Variants in NRG4 observed in about 807,000 individuals in gnomAD.
NRG4 encodes the protein pro-neuregulin-4, membrane-bound isoform.
A neutral mutation model predicts 15.0 loss-of-function variants in NRG4; 10 were observed. That is an observed-to-expected ratio of 0.67 (90% confidence interval 0.41 to 1.13). The LOEUF (loss-of-function observed/expected upper bound fraction) is 1.13. NRG4 is among the 50% of genes most tolerant of loss of function. The pLI, the probability that NRG4 is intolerant of heterozygous loss-of-function variation, is 0.00. For synonymous variants in NRG4, 41 were observed against 50.1 expected, an observed-to-expected ratio of 0.82 and a Z score of 0.77; for missense variants, 139 against 140.2, an observed-to-expected ratio of 0.99 and a Z score of 0.04.
At chr15:75,969,333 G>A in intron 3 of NRG4, 1 of 389,438 alleles carries the variant, frequency 2.6e-6, no homozygotes, top group Admixed American at 2.7e-5. Flanking sequence ...TGGAGTATTT[G>A]CCAGCTGCCT....
At chr15:76,049,407 T>C (rs748679519) in intron 4 of NRG4, among the ~76,000 whole-genome samples, 1 of 150,820 alleles carries the variant, frequency 6.6e-6, no homozygotes, top group Non-Finnish European at 1.5e-5. Context: ...AGCCTCTTTT[T>C]CCTTTTACCT....
At chr15:75,987,457 G>A (rs1453316170) in intron 3 of NRG4, among the ~76,000 whole-genome samples, 1 of 152,118 alleles carries the variant, frequency 6.6e-6, no homozygotes, top group Non-Finnish European at 1.5e-5. Flanking sequence ...CCTCCAATGT[G>A]ATGGTATTAT....
At chr15:75,946,590 A>G (rs915393929) in intron 5 of NRG4, among the ~76,000 whole-genome samples, 39 of 151,858 alleles carry the variant, frequency 2.6e-4, no homozygotes, top group Non-Finnish European at 3.4e-4. Flanking sequence ...CGATCTCCTG[A>G]CCTCGTGATC....
rs778316625 is a variant in NRG4, at chr15:75,961,873, G to T, written c.206C>A (p.Ala69Glu). ...TCCAATGATAAGTGTTACTAGGACC[G>T]CCAATGCCACAAAAGCTTCAAACAG... ...SNLFEAFVAL[A>E]VLVTLIIGAF... The change falls in exon 4 of 6, where the codon GCG becomes GAG. Residue 69 changes from alanine (A) to glutamate (E), a missense_variant. Physicochemically the swap from Ala to Glu is moderately radical, Grantham distance 107. Transcript: ENST00000394907. The T allele has an allele frequency of 1.9e-6, 3 of 1,613,318 alleles. No homozygotes were observed.
At chr15:75,976,246 T>G (rs773777308) in intron 3 of NRG4, among the ~76,000 whole-genome samples, 138 of 152,338 alleles carry the variant, frequency 9.1e-4, no homozygotes, top group Admixed American at 1.6e-3. Context: ...TAACCTTTTT[T>G]CAAGGTTCTT....
intron 3 of NRG4, among the ~76,000 whole-genome samples, chr15:75,983,211 T>C (rs2033667884): frequency 6.6e-6 from 1 of 152,066 alleles, no homozygotes; most frequent in Non-Finnish European, 1.5e-5. Flanking sequence ...CTATCCTCAA[T>C]GAAGCAAAAC....
chr15:76,008,718 T>C (rs1440474315), intron 3 of NRG4, among the ~76,000 whole-genome samples: 1 of 152,188 alleles, frequency 6.6e-6, no homozygotes, highest in Admixed American at 6.5e-5. Flanking sequence ...CTTTTTTATT[T>C]GCTACCACCA....
At chr15:76,034,382 C>T (rs1249657348) in intron 5 of NRG4, among the ~76,000 whole-genome samples, 2 of 152,158 alleles carry the variant, frequency 1.3e-5, no homozygotes, top group Admixed American at 6.5e-5. Context: ...AAGTAAATTC[C>T]CTGGTTAGTC....
rs1311382245 is a variant in NRG4 at position 75,977,669 on chromosome 15, A to T, written c.105-15695T>A. On this transcript the variant is annotated intron_variant, in intron 3 of 5. Coordinates refer to ENST00000394907, the MANE Select transcript of NRG4 (RefSeq NM_138573.4). The surrounding 1 kb of genome is among the most constrained non-coding windows in gnomAD (Gnocchi z 4.9). ...CGACTGTCTAACCAGTCCCAGTGAG[A>T]TAAGCCGGGTACTTCAGTTGGAAAT... Among the ~76,000 whole-genome samples the T allele has an allele frequency of 1.3e-5, 2 of 151,856 alleles. No homozygotes were observed. Among genetic ancestry groups the T allele is most frequent in the Non-Finnish European group, 2.9e-5 (2 of 67,986 alleles).
chr15:75,992,009 C>T (rs1201679055), intron 3 of NRG4, among the ~76,000 whole-genome samples: 1 of 152,074 alleles, frequency 6.6e-6, no homozygotes, highest in African/African-American at 2.4e-5. Context: ...AACCTTTTAG[C>T]CAACTCTGCA....
chr15:75,973,840 T>A (rs765622715), intron 3 of NRG4, among the ~76,000 whole-genome samples: 8 of 152,198 alleles, frequency 5.3e-5, no homozygotes, highest in Non-Finnish European at 8.8e-5. Context: ...TTTTTTATTG[T>A]GTCTCTGCCA....
chr15:76,022,614 T>C (rs888447151), intron 5 of NRG4, among the ~76,000 whole-genome samples: 3 of 152,158 alleles, frequency 2.0e-5, no homozygotes, highest in Non-Finnish European at 4.4e-5. Flanking sequence ...TGCAGGTGGA[T>C]CACAAGCCAG....
At chr15:76,040,897 C>T (rs1034922940) in intron 4 of NRG4, among the ~76,000 whole-genome samples, 1 of 152,116 alleles carries the variant, frequency 6.6e-6, no homozygotes, top group African/African-American at 2.4e-5. Flanking sequence ...TGCACTCTAG[C>T]CTGGGTGACA....
intron 1 of NRG4, among the ~76,000 whole-genome samples, chr15:76,059,467 G>A (rs1041909400): frequency 3.9e-5 from 6 of 152,182 alleles, no homozygotes; most frequent in Admixed American, 6.5e-5. Context: ...CCAAAGCGAC[G>A]GGAGGTTCCC....
chr15:76,029,904 C>G (rs1307866035), intron 5 of NRG4, among the ~76,000 whole-genome samples: 1 of 152,126 alleles, frequency 6.6e-6, no homozygotes, highest in African/African-American at 2.4e-5. Flanking sequence ...ACATTCTTCA[C>G]ATAAATAGCA....
rs771570117 is a variant in NRG4 at position 76,009,231 on chromosome 15, C to T, written c.73G>A (p.Val25Met). The T allele has an allele frequency of 1.2e-6, 2 of 1,601,742 alleles. No individual in the cohort carries two copies. The highest frequency in any genetic ancestry group is 1.7e-6 in the Non-Finnish European group (2 of 1,169,552). ...SFCLNGGLCYVIPTIPSPFCR... is the reference protein window; with the variant it reads ...SFCLNGGLCYMIPTIPSPFCR... The stretch of plus-strand genomic sequence containing the variant: ...AATGGGCTGGGAATAGTAGGTATCA[C>T]ATAACAAAGCCCCCCATTCAGGCAA... Residue 25 changes from valine to methionine, a missense_variant, in exon 3 of 6, where the codon GTG (valine) becomes ATG (methionine). Val to Met is a conservative substitution (Grantham distance 21). Transcript: ENST00000394907.
intron 3 of NRG4, among the ~76,000 whole-genome samples, chr15:76,005,452 G>A (rs1413785259): frequency 6.9e-6 from 1 of 144,892 alleles, no homozygotes; most frequent in African/African-American, 2.6e-5. Flanking sequence ...TGGGAAGCCC[G>A]AGGTGGGTGG....
In NRG4 at chr15:75,952,828, T is replaced by C. The variant is rs1285059009; in HGVS notation, c.331+3104A>G. On this transcript the variant is annotated intron_variant, in intron 5 of 5. Transcript: ENST00000394907. The stretch of plus-strand genomic sequence containing the variant: ...TTTGGAGAACTCTTTTCCAATCCTT[T>C]GCTCATTTTTAAAATGAGTTGTTTC... Among the ~76,000 whole-genome samples, 3 of 152,156 alleles carry C rather than the reference T, an allele frequency of 2.0e-5. 1 individual carries two copies. In the East Asian group the frequency reaches 5.8e-4, roughly 29 times the overall value.
intron 5 of NRG4, among the ~76,000 whole-genome samples, chr15:75,954,777 T>C (rs1336924199): frequency 6.6e-6 from 1 of 151,948 alleles, no homozygotes; most frequent in African/African-American, 2.4e-5. Context: ...TCTTTGGAGG[T>C]TGGTAATTGT....
Sources: allele counts gnomAD v4.1 joint callset (sites outside exome capture counted in the v4.1 genomes callset), GRCh38; gene constraint gnomAD v4.1.1; non-coding constraint Gnocchi (gnomAD v3.1); transcripts MANE v1.5; gene names NCBI Gene and HGNC (gene_info 2026-07-23, HGNC 2026-07-21).